The following KCNN2 variants were observed in gnomAD, a reference collection of about 807,000 sequenced individuals.
The protein encoded by KCNN2 is small conductance calcium-activated potassium channel protein 2.
A neutral mutation model predicts 55.5 loss-of-function variants in KCNN2; 24 were observed. The ratio of observed to expected loss-of-function variants is 0.43; its 90% CI spans 0.31 to 0.61. The LOEUF (loss-of-function observed/expected upper bound fraction) is 0.61. KCNN2 is among the 20% of genes least tolerant of loss of function. KCNN2 has a pLI of 0.08. For missense variants in KCNN2, 754 were observed against 853.6 expected (o/e 0.88, Z 1.45); for synonymous variants, 431 against 336.1 (o/e 1.28, Z -3.09).
At chr5:114,242,441 A>T (rs1428693016) in intron 2 of KCNN2, among the ~76,000 whole-genome samples, 4 of 152,192 alleles carry the variant, frequency 2.6e-5, no homozygotes, top group African/African-American at 9.6e-5. Flanking sequence ...GCATTAATCC[A>T]GTTCTCTATA....
At chr5:114,167,824 G>C (rs1024183200) in intron 1 of KCNN2, among the ~76,000 whole-genome samples, 7 of 152,052 alleles carry the variant, frequency 4.6e-5, no homozygotes, top group African/African-American at 1.7e-4. Flanking sequence ...CCCATTTGCA[G>C]CCCATCCCAT....
At chr5:114,309,172 A>G (rs3112769) in intron 2 of KCNN2, among the ~76,000 whole-genome samples, 149,524 of 152,338 alleles carry the variant, frequency 0.98, 73,444 homozygotes, top group Non-Finnish European at 1. Flanking sequence ...GTCTATTTGA[A>G]AGCTTGCATA....
intron 1 of KCNN2, among the ~76,000 whole-genome samples, chr5:114,187,065 G>A (rs1753348214): frequency 1.3e-5 from 2 of 152,114 alleles, no homozygotes; most frequent in South Asian, 2.1e-4. Flanking sequence ...CTTTAGAAAC[G>A]TAAGAGTGAT....
chr5:114,108,815 A>G (rs1213560909), intron 1 of KCNN2, among the ~76,000 whole-genome samples: 1 of 152,100 alleles, frequency 6.6e-6, no homozygotes, highest in Non-Finnish European at 1.5e-5. Flanking sequence ...TTTTGTGGTT[A>G]AAGCTGCAAT....
At chr5:114,289,383 T>C (rs1755835719) in intron 2 of KCNN2, among the ~76,000 whole-genome samples, 1 of 151,518 alleles carries the variant, frequency 6.6e-6, no homozygotes. Flanking sequence ...TTTTTTTTTT[T>C]TTTTGAGACA....
At chr5:114,135,701 G>A (rs1007771340) in intron 1 of KCNN2, among the ~76,000 whole-genome samples, 12 of 152,124 alleles carry the variant, frequency 7.9e-5, no homozygotes, top group Non-Finnish European at 1.0e-4. Context: ...AGGAAATGTC[G>A]AATGTTAAAT....
chr5:114,484,271 G>A (rs979173042), intron 5 of KCNN2, among the ~76,000 whole-genome samples: 2 of 151,974 alleles, frequency 1.3e-5, no homozygotes, highest in Admixed American at 6.6e-5. Context: ...ATAACTAGAT[G>A]GTTATATGGC....
chr5:114,367,369 A>G (rs1024225801), intron 2 of KCNN2, among the ~76,000 whole-genome samples: 2 of 152,238 alleles, frequency 1.3e-5, no homozygotes, highest in African/African-American at 4.8e-5. Context: ...TAATACTTAT[A>G]AAACATCAGA....
chr5:114,434,260 C>G (rs1759923067), intron 3 of KCNN2, among the ~76,000 whole-genome samples: 1 of 151,776 alleles, frequency 6.6e-6, no homozygotes, highest in South Asian at 2.1e-4. Context: ...AAACAGTCTA[C>G]TACTCATAAG....
chr5:114,469,250 C>T (rs1352114690), intron 4 of KCNN2, among the ~76,000 whole-genome samples: 1 of 152,160 alleles, frequency 6.6e-6, no homozygotes, highest in Non-Finnish European at 1.5e-5. Flanking sequence ...AGTCCTTCTC[C>T]CTCTGCCCCC....
chr5:114,334,935 T>C (rs1180701036), intron 2 of KCNN2, among the ~76,000 whole-genome samples: 1 of 152,272 alleles, frequency 6.6e-6, no homozygotes, highest in Non-Finnish European at 1.5e-5. Context: ...CATTGCAGTT[T>C]TTTTTTTAGA....
intron 2 of KCNN2, among the ~76,000 whole-genome samples, chr5:114,274,820 C>T (rs761158352): frequency 6.6e-6 from 1 of 152,058 alleles, no homozygotes; most frequent in African/African-American, 2.4e-5. Context: ...ATTTGAATAC[C>T]CTTTATTGCT....
At chr5:114,330,790 C>T (rs2150032975) in intron 2 of KCNN2, among the ~76,000 whole-genome samples, 2 of 152,286 alleles carry the variant, frequency 1.3e-5, no homozygotes, top group East Asian at 3.9e-4. Context: ...GAAGGACTTG[C>T]TACTCATGTG....
intron 1 of KCNN2, among the ~76,000 whole-genome samples, chr5:114,082,247 C>T (rs890227958): frequency 6.6e-6 from 1 of 151,566 alleles, no homozygotes; most frequent in African/African-American, 2.4e-5. Context: ...TTACTTGAGC[C>T]CAGGAGGTCA....
At chr5:114,371,138 G>A (rs1757751381) in intron 2 of KCNN2, among the ~76,000 whole-genome samples, 1 of 152,162 alleles carries the variant, frequency 6.6e-6, no homozygotes, top group African/African-American at 2.4e-5. Context: ...TGGAGCAACT[G>A]AGTGTGTTGT....
At chr5:114,262,989 G>A (rs918945188) in intron 2 of KCNN2, among the ~76,000 whole-genome samples, 1 of 152,096 alleles carries the variant, frequency 6.6e-6, no homozygotes, top group Non-Finnish European at 1.5e-5. Flanking sequence ...ATATCAAAAA[G>A]ACCTAATAAA....
At chr5:114,463,018 T>C (rs778523950) in intron 3 of KCNN2, 31 bp from the exon 4 acceptor site, 2 of 1,602,474 alleles carry the variant, frequency 1.2e-6, no homozygotes, top group Non-Finnish European at 1.7e-6. Flanking sequence ...AGATTAATTA[T>C]AAAGGACTGG....
intron 1 of KCNN2, among the ~76,000 whole-genome samples, chr5:114,125,692 C>T (rs1378103816): frequency 2.0e-5 from 3 of 152,148 alleles, no homozygotes; most frequent in African/African-American, 7.2e-5. Context: ...TATTTTCTTA[C>T]AGTTCTGGAG....
chr5:114,288,851 G>C (rs746133981), intron 2 of KCNN2, among the ~76,000 whole-genome samples: 2 of 151,958 alleles, frequency 1.3e-5, no homozygotes, highest in Non-Finnish European at 2.9e-5. Context: ...TGACACACAA[G>C]ACTTTTTAAA....
Sources: gnomAD v4.1 joint callset for allele counts (sites outside exome capture counted in the v4.1 genomes callset) on GRCh38, gnomAD v4.1.1 for gene constraint, MANE v1.5 for transcripts, NCBI Gene and HGNC (gene_info 2026-07-23, HGNC 2026-07-21) for gene names.